HCLS1: variants seen among roughly 807,000 people sequenced by gnomAD.
The protein encoded by HCLS1 is hematopoietic lineage cell-specific protein.
In HCLS1, 44 loss-of-function variants were observed where a neutral mutation model predicts 68.6. The observed-to-expected ratio is 0.64, with a 90% confidence interval of 0.50 to 0.82. The LOEUF is 0.82. HCLS1 is among the 40% of genes least tolerant of loss of function. The pLI is 0.00. For missense variants in HCLS1, 602 were observed against 612.1 expected, an observed-to-expected ratio of 0.98 and a Z score of 0.17; for synonymous variants, 217 against 225.8, an observed-to-expected ratio of 0.96 and a Z score of 0.35.
intron 5 of HCLS1, 164 bp from the exon 6 acceptor site, chr3:121,643,145 C>A: frequency 1.7e-6 from 1 of 597,830 alleles, no homozygotes; most frequent in Admixed American, 2.6e-5. Context: ...CAGGATACTA[C>A]AGAGCAATGA....
Position 121,632,646 on chromosome 3 carries a change from A to G in HCLS1, c.1009-83T>C. The G allele has an allele frequency of 2.4e-6, 3 of 1,236,314 alleles. No individual in the cohort carries two copies. In the East Asian group the frequency reaches 7.0e-5, roughly 29 times the overall value. 76.6% of individuals were successfully genotyped at this position (1,236,314 alleles called of 1,614,324 possible). ...GGACTGATAAGATCCCCCGCCCTTC[A>G]CCACCCTGCCTCTTCTCCCCTCTAC... On this transcript the variant is annotated intron_variant, in intron 11 of 13. Coordinates refer to ENST00000314583, the MANE Select transcript of HCLS1 (RefSeq NM_005335.6).
Position 121,636,418 on chromosome 3 carries a change from T to C in HCLS1, c.621+16A>G. 6.2e-7 allele frequency: 1 copy of C among 1,600,882 alleles called. No homozygotes were observed. Among genetic ancestry groups the C allele is most frequent in the Non-Finnish European group, 8.6e-7 (1 of 1,167,810 alleles). ...TAGGGAACTCTTCTTAAGACATTGGTGTTCCGGTGCTTTACCTTATCCACT... is the reference window on the plus strand; with the variant it reads ...TAGGGAACTCTTCTTAAGACATTGGCGTTCCGGTGCTTTACCTTATCCACT... On this transcript the variant is annotated intron_variant, in intron 8 of 13. Coordinates refer to ENST00000314583, the MANE Select transcript of HCLS1 (RefSeq NM_005335.6).
intron 6 of HCLS1, among the ~76,000 whole-genome samples, chr3:121,638,814 T>C (rs2049172661): frequency 6.6e-6 from 1 of 152,076 alleles, no homozygotes; most frequent in African/African-American, 2.4e-5. Flanking sequence ...AAAAGAACAA[T>C]ACCTTACATC....
intron 4 of HCLS1, among the ~76,000 whole-genome samples, chr3:121,645,756 C>A (rs2049240361): frequency 6.6e-6 from 1 of 151,006 alleles, no homozygotes; most frequent in Non-Finnish European, 1.5e-5. Flanking sequence ...TGAGTTTTAA[C>A]TCATGAACCA....
intron 7 of HCLS1, 75 bp from the exon 8 acceptor site, chr3:121,636,564 A>G: frequency 9.0e-7 from 1 of 1,106,198 alleles, no homozygotes; most frequent in Non-Finnish European, 1.4e-6. Flanking sequence ...CAGTGGGAAG[A>G]AAAACAGGAA....
At chr3:121,638,074 TG>T (rs2049166323) in intron 6 of HCLS1, among the ~76,000 whole-genome samples, 1 of 152,110 alleles carries the variant, frequency 6.6e-6, no homozygotes, top group African/African-American at 2.4e-5. Flanking sequence ...AGGGCATTTT[TG>T]GGGGATTTTT....
intron 8 of HCLS1, 115 bp from the exon 9 acceptor site, chr3:121,635,919 C>G: frequency 1.3e-6 from 1 of 765,536 alleles, no homozygotes; most frequent in Non-Finnish European, 2.3e-6. Context: ...CCATTGGATG[C>G]TCAACAGCTG....
chr3:121,659,773 A>C (rs1211364959), intron 1 of HCLS1, among the ~76,000 whole-genome samples: 4 of 151,388 alleles, frequency 2.6e-5, no homozygotes, highest in Admixed American at 2.6e-4. Flanking sequence ...GCAACAACAA[A>C]AGGACTGTCA....
At chr3:121,652,037 C>T (rs1937762342) in intron 3 of HCLS1, among the ~76,000 whole-genome samples, 1 of 152,156 alleles carries the variant, frequency 6.6e-6, no homozygotes, top group Non-Finnish European at 1.5e-5. Flanking sequence ...CATATCCATA[C>T]AATGGGACAC....
chr3:121,645,371 TGCTCCTGTATG>T (rs890735179), intron 4 of HCLS1, among the ~76,000 whole-genome samples: 1 of 152,132 alleles, frequency 6.6e-6, no homozygotes, highest in African/African-American at 2.4e-5. Flanking sequence ...TCTAGATCTT[TGCTCCTGTATG>T]GCCATCAAAG....
At chr3:121,646,991 T>A (rs9289175) in intron 4 of HCLS1, among the ~76,000 whole-genome samples, 35,026 of 145,110 alleles carry the variant, frequency 0.24, 4,419 homozygotes, top group South Asian at 0.31. Flanking sequence ...ATTTATTTTT[T>A]TTTTTTTTGA....
In HCLS1 at chr3:121,631,980, C is replaced by A; in HGVS notation, c.1327G>T (p.Gly443Ter). 4 of 1,614,196 alleles carry A rather than the reference C, an allele frequency of 2.5e-6. No homozygotes were observed. Among genetic ancestry groups the A allele is most frequent in the Non-Finnish European group, 3.4e-6 (4 of 1,180,032 alleles). The part of the protein sequence containing the change: ...AVAVYDYQGE[G>*]SDELSFDPDD... ...GGATCAAAGGAAAGCTCATCACTTC[C>A]CTCTGGGGAGAAAGTTGAGGGGATA... The change falls in exon 14 of 14, where the codon GGA becomes TGA. Residue 443 changes from glycine to a stop codon, truncating the protein, a stop_gained and splice_region_variant. Transcript: ENST00000314583. LOFTEE classifies it high-confidence loss of function.
chr3:121,638,436 G>T (rs987002896), intron 6 of HCLS1, among the ~76,000 whole-genome samples: 53 of 152,256 alleles, frequency 3.5e-4, no homozygotes, highest in African/African-American at 1.3e-3. Context: ...ATTTAAGAAT[G>T]GGGGAGGAGG....
In HCLS1 at chr3:121,637,156, C is replaced by T. The variant is rs761226958; in HGVS notation, c.555G>A (p.Glu185=). 2.7e-5 allele frequency: 43 copies of T among 1,609,902 alleles called. No homozygotes were observed. The South Asian group carries it at 4.5e-4, about 17-fold the overall frequency. ...YDYKGETEKH[E]SQRDYAKGFG... is the part of the protein sequence containing the mutation. Reference sequence around the variant, plus strand: ...CCAACCCCAACTCACCTCTCTGGGACTCGTGTTTCTCCGTCTCTCCCTTGT... The same window carrying T: ...CCAACCCCAACTCACCTCTCTGGGATTCGTGTTTCTCCGTCTCTCCCTTGT... The change falls in exon 7 of 14, where the codon GAG becomes GAA. Residue 185 remains glutamate, a synonymous_variant. Coordinates refer to ENST00000314583, the MANE Select transcript of HCLS1 (RefSeq NM_005335.6).
In HCLS1 at chr3:121,631,943, A is replaced by T; in HGVS notation, c.1364T>A (p.Ile455Asn). 6.2e-7 allele frequency: 1 copy of T among 1,614,190 alleles called. No individual in the cohort carries two copies. The highest frequency in any genetic ancestry group is 8.5e-7 in the Non-Finnish European group (1 of 1,180,020). Residue 455 changes from isoleucine to asparagine, a missense_variant, in exon 14 of 14, where the codon ATC becomes AAC. By Grantham distance (149) the Ile-to-Asn change is moderately radical. Coordinates refer to ENST00000314583, the MANE Select transcript of HCLS1 (RefSeq NM_005335.6). ...DELSFDPDDVITDIEMVDEGW... is the reference protein window; with the variant it reads ...DELSFDPDDVNTDIEMVDEGW... ...CTCGTCCACCATCTCAATGTCAGTG[A>T]TTACGTCGTCCGGATCAAAGGAAAG...
chr3:121,634,378 G>A lies in HCLS1; in HGVS notation c.732C>T (p.Ser244=). 1 of 1,614,090 alleles carries A rather than the reference G, an allele frequency of 6.2e-7. No individual in the cohort carries two copies. Among genetic ancestry groups the A allele is most frequent in the Non-Finnish European group, 8.5e-7 (1 of 1,179,980 alleles). The change falls in exon 10 of 14, where the codon TCC becomes TCT. Residue 244 remains serine, a synonymous_variant. Transcript: ENST00000314583. ...CTCGCTTCCTCTTCTCCTCAGCCAT[G>A]GACTCAAATTTCGCCTTCAGCCCAC... The part of the protein sequence containing the change: ...GTRGLKAKFE[S]MAEEKRKREE...
chr3:121,634,115 T>C (rs531424820), intron 10 of HCLS1, 92 bp downstream of exon 10: 1 of 1,577,078 alleles, frequency 6.3e-7, no homozygotes, highest in Non-Finnish European at 8.6e-7. Context: ...AGGGGAGGAC[T>C]TTGCCTTATT....
chr3:121,660,032 G>A (rs1237534992), intron 1 of HCLS1, among the ~76,000 whole-genome samples: 1 of 152,118 alleles, frequency 6.6e-6, no homozygotes, highest in African/African-American at 2.4e-5. Flanking sequence ...AATCTGGTGA[G>A]GCCTTGTTGC....
At position 121,632,320 on chromosome 3, in the gene HCLS1, C is replaced by A; in HGVS notation, c.1240+12G>T. 4 of 1,613,260 alleles carry A rather than the reference C, an allele frequency of 2.5e-6. No homozygotes were observed. Among genetic ancestry groups the A allele is most frequent in the Non-Finnish European group, 3.4e-6 (4 of 1,179,264 alleles). On this transcript the variant is annotated intron_variant, in intron 12 of 13. Transcript: ENST00000314583. ...ATGAGCAAATTCTCCTGCTTCTCCT[C>A]CCATCACTCACCAGCCAGAGCAGAA...
Sources: allele counts gnomAD v4.1 joint callset (sites outside exome capture counted in the v4.1 genomes callset), GRCh38; gene constraint gnomAD v4.1.1; transcripts MANE v1.5; gene names NCBI Gene and HGNC (gene_info 2026-07-23, HGNC 2026-07-21).